The following CRELD1 variants were observed in gnomAD, a reference collection of about 807,000 sequenced individuals.
The protein encoded by CRELD1 is protein disulfide isomerase CRELD1.
A neutral mutation model predicts 58.2 loss-of-function variants in CRELD1; 42 were observed. That is an observed-to-expected ratio of 0.72 (90% confidence interval 0.56 to 0.93). The LOEUF is 0.93. Among genes scored for constraint, CRELD1 ranks in the 40% least tolerant of loss-of-function variants. The pLI is 0.00. For synonymous variants in CRELD1, 222 were observed against 202.0 expected (o/e 1.10, Z -0.84); for missense variants, 500 against 540.6 (o/e 0.92, Z 0.74).
chr3:9,933,894 C>G lies in CRELD1; in HGVS notation c.-46C>G. On this transcript the variant is annotated 5_prime_UTR_variant, in exon 1 of 11. Transcript: ENST00000452070. ...CGGCGCCCGCGGGCTGGGGCGGTCGCTTCTTCCTTCTCCGTGGCCTACGAG... is the reference window on the plus strand; with the variant it reads ...CGGCGCCCGCGGGCTGGGGCGGTCGGTTCTTCCTTCTCCGTGGCCTACGAG... The G allele has an allele frequency of 2.2e-6, 1 of 453,826 alleles. No homozygotes were observed. Among genetic ancestry groups the G allele is most frequent in the Middle Eastern group, 6.2e-4 (1 of 1,626 alleles). 28.1% of individuals were successfully genotyped at this position (453,826 alleles called of 1,614,324 possible).
intron 3 of CRELD1, chr3:9,935,583 T>C (rs1289338462): frequency 2.6e-5 from 4 of 153,102 alleles, no homozygotes; most frequent in Non-Finnish European, 5.8e-5. Flanking sequence ...CAAGCTAGTG[T>C]GGTATCTAGT....
chr3:9,940,819 T>C, intron 5 of CRELD1, 31 bp from the exon 6 acceptor site: 1 of 1,607,606 alleles, frequency 6.2e-7, no homozygotes, highest in Non-Finnish European at 8.5e-7. Flanking sequence ...GTTGTATAGA[T>C]GACCTCACCT....
At chr3:9,940,476 G>A (rs2085329213) in intron 5 of CRELD1, among the ~76,000 whole-genome samples, 2 of 152,078 alleles carry the variant, frequency 1.3e-5, no homozygotes, top group East Asian at 1.9e-4. Context: ...GACCGGCCCG[G>A]CCAACACAGC....
At chr3:9,936,613 G>T (rs1266599202) in intron 3 of CRELD1, among the ~76,000 whole-genome samples, 1 of 151,614 alleles carries the variant, frequency 6.6e-6, no homozygotes. Context: ...TCCCATTAAA[G>T]ACATTTAATA....
chr3:9,942,786 AT>A, intron 7 of CRELD1, 26 bp from the exon 8 acceptor site: 1 of 1,596,778 alleles, frequency 6.3e-7, no homozygotes, highest in Non-Finnish European at 8.6e-7. Flanking sequence ...AGGGATTGAA[AT>A]TCTCACCCTG....
At chr3:9,937,907 TCCA>T (rs1431482980) in intron 4 of CRELD1, 105 bp from the exon 5 acceptor site, 2 of 867,580 alleles carry the variant, frequency 2.3e-6, no homozygotes, top group Non-Finnish European at 3.8e-6. Context: ...GGGTCTTATG[TCCA>T]AGCTGGGTTG....
intron 1 of CRELD1, 154 bp from the exon 2 acceptor site, chr3:9,934,266 C>T: frequency 1.6e-6 from 1 of 638,012 alleles, no homozygotes; most frequent in Non-Finnish European, 2.8e-6. Context: ...CGCCTTTCCC[C>T]ACCCATCCCC....
chr3:9,940,468 C>G (rs1418043010), intron 5 of CRELD1, among the ~76,000 whole-genome samples: 1 of 152,086 alleles, frequency 6.6e-6, no homozygotes, highest in Non-Finnish European at 1.5e-5. Flanking sequence ...GAGCTGGAGA[C>G]CGGCCCGGCC....
In CRELD1 at chr3:9,938,025, G is replaced by A. The variant is rs1480756228; in HGVS notation, c.379G>A (p.Ala127Thr). 8 of 1,613,582 alleles carry A rather than the reference G, an allele frequency of 5.0e-6. No individual in the cohort carries two copies. The highest frequency in any genetic ancestry group is 1.3e-5 in the African/African-American group (1 of 75,034). ...CTGCCCCTGCCTCAGGCAGCAGGAGGCCCCGGACCTCTTCCAGTGGCTGTG... is the reference window on the plus strand; with the variant it reads ...CTGCCCCTGCCTCAGGCAGCAGGAGACCCCGGACCTCTTCCAGTGGCTGTG... ...ESWWFHKQQEAPDLFQWLCSD... is the reference protein window; with the variant it reads ...ESWWFHKQQETPDLFQWLCSD... Residue 127 changes from alanine to threonine, a missense_variant, in exon 5 of 11, where the codon GCC becomes ACC. By Grantham distance (58) the Ala-to-Thr change is moderately conservative. Coordinates refer to ENST00000452070, the MANE Select transcript of CRELD1 (RefSeq NM_001077415.3).
chr3:9,942,249 T>A, intron 7 of CRELD1, among the ~76,000 whole-genome samples: 1 of 148,926 alleles, frequency 6.7e-6, no homozygotes, highest in East Asian at 2.0e-4. Flanking sequence ...CTAGCCTGGG[T>A]GACAAGAGCG....
At position 9,937,689 on chromosome 3, in the gene CRELD1, C is replaced by A; in HGVS notation, c.368+17C>A. Reference sequence around the variant, plus strand: ...GTTTCACAAGTGAGTGGCAAAGGGCCTTCCCTGGAAGTGGGTCACAGGTGA... The same window carrying A: ...GTTTCACAAGTGAGTGGCAAAGGGCATTCCCTGGAAGTGGGTCACAGGTGA... On this transcript the variant is annotated intron_variant, in intron 4 of 10. Transcript: ENST00000452070. 6.4e-7 allele frequency: 1 copy of A among 1,561,500 alleles called. No individual in the cohort carries two copies. Among genetic ancestry groups the A allele is most frequent in the Non-Finnish European group, 8.8e-7 (1 of 1,142,050 alleles).
chr3:9,936,620 A>G (rs1035334548), intron 3 of CRELD1, among the ~76,000 whole-genome samples: 2 of 152,076 alleles, frequency 1.3e-5, no homozygotes, highest in Non-Finnish European at 2.9e-5. Flanking sequence ...AAAGACATTT[A>G]ATAATATTTA....
intron 3 of CRELD1, chr3:9,935,134 T>A (rs1422254359): frequency 1.9e-6 from 1 of 540,010 alleles, no homozygotes; most frequent in Non-Finnish European, 3.3e-6. Context: ...GTGAATAATA[T>A]TATGTCAGAT....
In CRELD1 at chr3:9,943,979, T is replaced by A. The variant is rs750506195; in HGVS notation, c.1049-386T>A. On this transcript the variant is annotated intron_variant, in intron 10 of 10. Coordinates refer to ENST00000452070, the MANE Select transcript of CRELD1 (RefSeq NM_001077415.3). Reference sequence around the variant, plus strand: ...GTTGGGTTCTCATCCCCACTCTACATATGTAAAAATGAAGATGCAGAGAGA... The same window carrying A: ...GTTGGGTTCTCATCCCCACTCTACAAATGTAAAAATGAAGATGCAGAGAGA... 8 of 1,073,742 alleles carry A rather than the reference T, an allele frequency of 7.5e-6. No individual in the cohort carries two copies. In the Admixed American group the frequency reaches 1.3e-4, roughly 18 times the overall value. The allele number at this position is 1,073,742 out of a possible 1,614,324, so 66.5% of individuals were successfully genotyped here.
Position 9,937,545 on chromosome 3 carries a change from C to T in CRELD1, c.258-17C>T, listed in dbSNP as rs1229931264. The T allele has an allele frequency of 1.9e-6, 3 of 1,579,584 alleles. No homozygotes were observed. In the South Asian group the frequency reaches 3.4e-5, roughly 18 times the overall value. On this transcript the variant is annotated splice_polypyrimidine_tract_variant and intron_variant, in intron 3 of 10. Transcript: ENST00000452070. Reference sequence around the variant, plus strand: ...GGGTGGGGCATGTTTCCCACCAGCCCTGCCCTGTCCGATCAGTGAGACCCG... The same window carrying T: ...GGGTGGGGCATGTTTCCCACCAGCCTTGCCCTGTCCGATCAGTGAGACCCG...
chr3:9,934,690 A>G, intron 2 of CRELD1, 78 bp downstream of exon 2: 1 of 1,567,664 alleles, frequency 6.4e-7, no homozygotes, highest in Non-Finnish European at 8.8e-7. Flanking sequence ...ATCTGCGTGG[A>G]TTTAAGTTTC....
At chr3:9,934,282 C>T in intron 1 of CRELD1, 138 bp from the exon 2 acceptor site, 2 of 687,652 alleles carry the variant, frequency 2.9e-6, no homozygotes, top group South Asian at 3.2e-5. Context: ...TCCCCACAGC[C>T]CCTGCAATAC....
Position 9,938,039 on chromosome 3 carries a change from C to G in CRELD1, c.393C>G (p.Phe131Leu). The change falls in exon 5 of 11, where the codon TTC (phenylalanine) becomes TTG (leucine). Residue 131 changes from phenylalanine to leucine, a missense_variant. Coordinates refer to ENST00000452070, the MANE Select transcript of CRELD1 (RefSeq NM_001077415.3). ...FHKQQEAPDL[F>L]QWLCSDSLKL... ...GGCAGCAGGAGGCCCCGGACCTCTT[C>G]CAGTGGCTGTGCTCAGATTCCCTGA... The G allele has an allele frequency of 6.2e-7, 1 of 1,614,030 alleles. No individual in the cohort carries two copies. The highest frequency in any genetic ancestry group is 2.2e-5 in the East Asian group (1 of 44,886).
At chr3:9,943,336 G>T in intron 9 of CRELD1, 45 bp from the exon 10 acceptor site, 1 of 1,613,600 alleles carries the variant, frequency 6.2e-7, no homozygotes, top group South Asian at 1.1e-5. Flanking sequence ...TCAGGGTGCT[G>T]GGTGGGGGGC....
Sources: gnomAD v4.1 joint callset for allele counts (sites outside exome capture counted in the v4.1 genomes callset) on GRCh38, gnomAD v4.1.1 for gene constraint, MANE v1.5 for transcripts, NCBI Gene and HGNC (gene_info 2026-07-23, HGNC 2026-07-21) for gene names.